The following NRXN2 variants were observed in gnomAD, a reference collection of about 807,000 sequenced individuals.
The protein encoded by NRXN2 is neurexin-2-beta.
A neutral mutation model predicts 128.8 loss-of-function variants in NRXN2; 29 were observed. That is an observed-to-expected ratio of 0.23 (90% CI 0.17 to 0.31). The LOEUF (loss-of-function observed/expected upper bound fraction) is 0.31, where lower values mean the gene tolerates loss of function less well. Ranked by LOEUF, NRXN2 falls within the 10% of genes least tolerant of loss-of-function variation. The pLI, the probability that NRXN2 is intolerant of heterozygous loss-of-function variation, is 1.00. For missense variants in NRXN2, 1,881 were observed against 2,452.6 expected, an observed-to-expected ratio of 0.77 and a Z score of 4.92; for synonymous variants, 1,098 against 1,075.2, an observed-to-expected ratio of 1.02 and a Z score of -0.41.
At chr11:64,655,548 A>G (rs2048144958) in intron 11 of NRXN2, among the ~76,000 whole-genome samples, 2 of 152,076 alleles carry the variant, frequency 1.3e-5, no homozygotes, top group African/African-American at 4.8e-5. Flanking sequence ...AAGGGTCCAA[A>G]AAAAGAAAAA....
chr11:64,657,481 T>C (rs2048427308), intron 11 of NRXN2, among the ~76,000 whole-genome samples: 1 of 151,902 alleles, frequency 6.6e-6, no homozygotes, highest in African/African-American at 2.4e-5. Context: ...GGTGGGTCTC[T>C]ACTATGGGTC....
chr11:64,700,724 C>T (rs750168924), intron 2 of NRXN2, among the ~76,000 whole-genome samples: 4 of 152,190 alleles, frequency 2.6e-5, no homozygotes, highest in Non-Finnish European at 4.4e-5. Flanking sequence ...GTAACAGATA[C>T]GCCTTACTAA....
rs781281561 is a variant in NRXN2, at chr11:64,630,536, G to A, written c.3623C>T (p.Thr1208Met). Residue 1208 changes from threonine (T) to methionine (M), a missense_variant, in exon 19 of 23, where the codon ACG (threonine) becomes ATG (methionine). Thr to Met is a moderately conservative substitution (Grantham distance 81). This residue lies in a region of NRXN2 where 390 missense variants were observed against 599.6 expected (regional missense o/e 0.65). Coordinates refer to ENST00000265459, the MANE Select transcript of NRXN2 (RefSeq NM_015080.4). This position sits in a 1 kb window ranked among gnomAD's most constrained non-coding sequence, Gnocchi z 4.6. ...GGGCTCGTCGATGGTAATGTCGTCC[G>A]TGCCCACGTTAAAGATCACCCCCAC... is the stretch of plus-strand genomic sequence containing the variant. ...GTVGVIFNVG[T>M]DDITIDEPNA... is the part of the protein sequence containing the mutation. 2 of 1,613,926 alleles carry A rather than the reference G, an allele frequency of 1.2e-6. No individual in the cohort carries two copies. Among genetic ancestry groups the A allele is most frequent in the Non-Finnish European group, 1.7e-6 (2 of 1,180,020 alleles).
chr11:64,683,214 GC>G (rs1451695539), intron 6 of NRXN2, among the ~76,000 whole-genome samples: 2 of 152,134 alleles, frequency 1.3e-5, no homozygotes, highest in African/African-American at 4.8e-5. Context: ...CTTGCTCCTG[GC>G]CCACAAAACC....
chr11:64,675,883 T>C, intron 7 of NRXN2: 1 of 153,938 alleles, frequency 6.5e-6, no homozygotes, highest in Non-Finnish European at 1.5e-5. Flanking sequence ...AGCTTCCCAC[T>C]AACACCCCGA....
intron 2 of NRXN2, among the ~76,000 whole-genome samples, chr11:64,702,065 T>A (rs1457032997): frequency 2.5e-4 from 30 of 117,970 alleles, no homozygotes; most frequent in African/African-American, 3.3e-4. Context: ...GCCTCTGCCC[T>A]GCCGCCCCTA....
At chr11:64,633,408 T>C (rs1256068714) in intron 18 of NRXN2, among the ~76,000 whole-genome samples, 1 of 152,214 alleles carries the variant, frequency 6.6e-6, no homozygotes, top group East Asian at 1.9e-4. Flanking sequence ...CCTCTTCCTA[T>C]GCCACTCCAT....
At chr11:64,646,670 T>C (rs919987779) in intron 17 of NRXN2, 3 of 152,246 alleles carry the variant, frequency 2.0e-5, no homozygotes, top group African/African-American at 4.8e-5. Flanking sequence ...AAAAGGGCCT[T>C]GTAGCAGCAA....
intron 22 of NRXN2, 68 bp downstream of exon 22, chr11:64,620,226 G>T: frequency 7.7e-7 from 1 of 1,301,668 alleles, no homozygotes; most frequent in Non-Finnish European, 1.1e-6. Flanking sequence ...AGGTGGCAGG[G>T]ACAGTCGCCC....
chr11:64,640,317 C>A (rs2045471078), intron 17 of NRXN2, among the ~76,000 whole-genome samples: 1 of 152,218 alleles, frequency 6.6e-6, no homozygotes, highest in Non-Finnish European at 1.5e-5. Flanking sequence ...CTCCTTCCTA[C>A]CTGCTCAGGG....
chr11:64,661,047 G>A lies in NRXN2; in HGVS notation c.1891C>T (p.Leu631Phe), dbSNP rs764871107. The A allele has an allele frequency of 6.2e-7, 1 of 1,613,534 alleles. No individual in the cohort carries two copies. Among genetic ancestry groups the A allele is most frequent in the South Asian group, 1.1e-5 (1 of 91,086 alleles). ...AGGTCCACCCGGCCCCCCTCAGGGA[G>A]ACCGCCCAGGTACAGCTCACTCTCC... ...DLESELYLGG[L>F]PEGGRVDLPL... Residue 631 changes from leucine to phenylalanine, a missense_variant, in exon 10 of 23, where the codon CTC (leucine) becomes TTC (phenylalanine). Transcript: ENST00000265459.
intron 18 of NRXN2, among the ~76,000 whole-genome samples, chr11:64,634,949 A>G (rs2044481036): frequency 6.6e-6 from 1 of 152,222 alleles, no homozygotes; most frequent in South Asian, 2.1e-4. Context: ...CGAAGGCTAC[A>G]GGAGAATGGC....
At chr11:64,644,289 C>T (rs1217554136) in intron 17 of NRXN2, among the ~76,000 whole-genome samples, 2 of 152,058 alleles carry the variant, frequency 1.3e-5, no homozygotes, top group African/African-American at 2.4e-5. Flanking sequence ...ATGCCACACA[C>T]GTACAACTCC....
chr11:64,703,024 G>A (rs1481683066), intron 2 of NRXN2, among the ~76,000 whole-genome samples: 2 of 147,920 alleles, frequency 1.4e-5, no homozygotes, highest in Non-Finnish European at 3.0e-5. Flanking sequence ...AAAAGATCCA[G>A]GTCAATACAC....
rs2047513616 is a variant in NRXN2 at position 64,651,933 on chromosome 11, A to G, written c.2536+102T>C. 6.4e-7 allele frequency: 1 copy of G among 1,550,624 alleles called. No homozygotes were observed. The highest frequency in any genetic ancestry group is 1.4e-5 in the African/African-American group (1 of 73,952). On this transcript the variant is annotated intron_variant, in intron 13 of 22. Coordinates refer to ENST00000265459, the MANE Select transcript of NRXN2 (RefSeq NM_015080.4). This position sits in a 1 kb window ranked among gnomAD's most constrained non-coding sequence, Gnocchi z 5.9. ...AATGGCAGAGGCAGCTTGCCAGAAC[A>G]CTGCCCTAGGAATGGCAGCCCAGGC...
intron 1 of NRXN2, among the ~76,000 whole-genome samples, chr11:64,715,429 T>TA (rs1212056148): frequency 1.3e-5 from 2 of 151,654 alleles, no homozygotes; most frequent in Non-Finnish European, 2.9e-5. Flanking sequence ...AACCAGAAGA[T>TA]AAGGAGAGGG....
chr11:64,697,693 T>C, intron 3 of NRXN2, 82 bp downstream of exon 3: 9 of 1,549,944 alleles, frequency 5.8e-6, no homozygotes, highest in Non-Finnish European at 8.0e-6. Flanking sequence ...AAGGGAGTCC[T>C]TGGGTAGCCA....
At chr11:64,701,805 G>A (rs1031479776) in intron 2 of NRXN2, among the ~76,000 whole-genome samples, 21 of 151,650 alleles carry the variant, frequency 1.4e-4, no homozygotes, top group African/African-American at 5.1e-4. Flanking sequence ...CCGGCCAGCC[G>A]CCCCGTCCGG....
intron 2 of NRXN2, among the ~76,000 whole-genome samples, chr11:64,699,388 A>T (rs1299668559): frequency 6.7e-6 from 1 of 149,114 alleles, no homozygotes; most frequent in Non-Finnish European, 1.5e-5. Context: ...TCTACCTGAC[A>T]GCTGCATCAC....
Sources: gnomAD v4.1 joint callset for allele counts (sites outside exome capture counted in the v4.1 genomes callset) on GRCh38, gnomAD v4.1.1 for gene constraint, gnomAD v4.1.1 regional missense constraint, Gnocchi (gnomAD v3.1) non-coding constraint, MANE v1.5 for transcripts, NCBI Gene and HGNC (gene_info 2026-07-23, HGNC 2026-07-21) for gene names.